The following DRG2 variants were observed in gnomAD, a reference collection of about 807,000 sequenced individuals.
DRG2 encodes the protein developmentally-regulated GTP-binding protein 2.
DRG2 carries 36 observed loss-of-function variants against 53.4 expected under a neutral mutation model. The observed-to-expected ratio is 0.67, with a 90% confidence interval of 0.52 to 0.89. DRG2 has a LOEUF of 0.89. DRG2 is among the 40% of genes least tolerant of loss of function. The probability of loss-of-function intolerance (pLI) is 0.00; values close to 1 mark genes in which losing one functional copy is unlikely to be tolerated. For missense variants in DRG2, 342 were observed against 481.2 expected, an observed-to-expected ratio of 0.71 and a Z score of 2.71; for synonymous variants, 167 against 192.1, an observed-to-expected ratio of 0.87 and a Z score of 1.08.
rs978882656 is a variant in DRG2 at position 18,098,474 on chromosome 17, C to T, written c.315+115C>T. On this transcript the variant is annotated intron_variant, in intron 3 of 12. Coordinates refer to ENST00000225729, the MANE Select transcript of DRG2 (RefSeq NM_001388.5). The surrounding 1 kb of genome is among the most constrained non-coding windows in gnomAD (Gnocchi z 4.1). ...GGATGTCCCCATGTCAGGACAGGCT[C>T]TGGACTGAGCTGCTTTGCCCTCCAG... 2 of 910,058 alleles carry T rather than the reference C, an allele frequency of 2.2e-6. No individual in the cohort carries two copies. Among genetic ancestry groups the T allele is most frequent in the African/African-American group, 3.3e-5 (2 of 61,048 alleles). The allele number at this position is 910,058 out of a possible 1,614,324, so 56.4% of individuals were successfully genotyped here. A position where few individuals can be genotyped will look rare whatever the true frequency, so the allele number is the denominator to read the frequency against.
Position 18,090,382 on chromosome 17 carries a change from A to ATTTTTTTTTTTTTT in DRG2, c.64+2296_64+2297insTTTTTTTTTTTTTT, listed in dbSNP as rs1567597918. Among the ~76,000 whole-genome samples the ATTTTTTTTTTTTTT allele has an allele frequency of 2.1e-4, 2 of 9,628 alleles. 1 individual carries two copies. 6.3% of individuals were successfully genotyped at this position (9,628 alleles called of 152,430 possible). A position where few individuals can be genotyped will look rare whatever the true frequency, so the allele number is the denominator to read the frequency against. On this transcript the variant is annotated intron_variant, in intron 1 of 12. Coordinates refer to ENST00000225729, the MANE Select transcript of DRG2 (RefSeq NM_001388.5). ...ACCGGGCTAATTTATATATATATATATATATATATATATATATATATATAT... is the reference window on the plus strand; with the variant it reads ...ACCGGGCTAATTTATATATATATATATTTTTTTTTTTTTTTATATATATATATATATATATATAT...
chr17:18,101,284 T>G (rs1432528563), intron 7 of DRG2, among the ~76,000 whole-genome samples: 2 of 152,244 alleles, frequency 1.3e-5, no homozygotes, highest in African/African-American at 4.8e-5. Context: ...ATTAAAACTC[T>G]GTGTTGATTG....
Position 18,099,057 on chromosome 17 carries a change from T to C in DRG2, c.356T>C (p.Ile119Thr). The C allele has an allele frequency of 6.2e-7, 1 of 1,614,076 alleles. No individual in the cohort carries two copies. The highest frequency in any genetic ancestry group is 8.5e-7 in the Non-Finnish European group (1 of 1,180,014). The change falls in exon 4 of 13, where the codon ATC (isoleucine) becomes ACC (threonine). Residue 119 changes from isoleucine to threonine, a missense_variant. By Grantham distance (89) the Ile-to-Thr change is moderately conservative. Coordinates refer to ENST00000225729, the MANE Select transcript of DRG2 (RefSeq NM_001388.5). The surrounding 1 kb of genome is among the most constrained non-coding windows in gnomAD (Gnocchi z 4.4). ...ANIQLLDLPG[I>T]IEGAAQGKGR... is the part of the protein sequence containing the mutation. Reference sequence around the variant, plus strand: ...ATCCAGCTCCTGGACCTTCCTGGAATCATTGAAGGCGCAGCCCAAGGTGGG... The same window carrying C: ...ATCCAGCTCCTGGACCTTCCTGGAACCATTGAAGGCGCAGCCCAAGGTGGG...
intron 1 of DRG2, among the ~76,000 whole-genome samples, chr17:18,089,556 A>G (rs370332222): frequency 1.3e-3 from 204 of 152,362 alleles, no homozygotes; most frequent in African/African-American, 4.7e-3. Flanking sequence ...ACTAGAAATC[A>G]AATAAATAAG....
At chr17:18,106,347 T>TA in intron 11 of DRG2, 86 bp from the exon 12 acceptor site, 1 of 1,491,922 alleles carries the variant, frequency 6.7e-7, no homozygotes, top group Non-Finnish European at 9.3e-7. Flanking sequence ...TCTTGGCCTG[T>TA]GTCCTGAGCT....
At chr17:18,107,060 ATT>A in intron 12 of DRG2, 92 bp from the exon 13 acceptor site, 1 of 1,177,450 alleles carries the variant, frequency 8.5e-7, no homozygotes, top group Non-Finnish European at 1.3e-6. Context: ...ATGCCATGGC[ATT>A]TACCCTTCAG....
intron 1 of DRG2, among the ~76,000 whole-genome samples, chr17:18,093,456 T>C (rs2045369425): frequency 6.6e-6 from 1 of 151,982 alleles, no homozygotes; most frequent in Admixed American, 6.6e-5. Context: ...ATAGTTGGGA[T>C]TACAGGCATG....
Position 18,100,363 on chromosome 17 carries a change from G to A in DRG2, c.468G>A (p.Arg156=), listed in dbSNP as rs759870426. The change falls in exon 6 of 13, where the codon AGG becomes AGA. Residue 156 remains arginine, a splice_region_variant and synonymous_variant. Transcript: ENST00000225729. The surrounding 1 kb of genome is among the most constrained non-coding windows in gnomAD (Gnocchi z 4.1). ...GGGGCTTAAGGGGTACTCTTCCTAG[G>A]TCTCTGCTGGAGAAGGAGCTGGAGT... ...MLDATKGEVQ[R]SLLEKELESV... 2 of 1,614,058 alleles carry A rather than the reference G, an allele frequency of 1.2e-6. No homozygotes were observed. Among genetic ancestry groups the A allele is most frequent in the South Asian group, 1.1e-5 (1 of 91,082 alleles).
rs550716665 is a variant in DRG2, at chr17:18,101,411, C to T, written c.632-82C>T. 4.4e-5 allele frequency: 59 copies of T among 1,333,676 alleles called. No homozygotes were observed. The African/African-American group carries it at 6.7e-4, about 15-fold the overall frequency. 82.6% of individuals were successfully genotyped at this position (1,333,676 alleles called of 1,614,324 possible). A position where few individuals can be genotyped will look rare whatever the true frequency, so the allele number is the denominator to read the frequency against. On this transcript the variant is annotated intron_variant, in intron 7 of 12. Coordinates refer to ENST00000225729, the MANE Select transcript of DRG2 (RefSeq NM_001388.5). The stretch of plus-strand genomic sequence containing the variant: ...ACGGTCCCACACGGCCAGCATATTT[C>T]CTGCTTGGCTTTTTGGGGCCCTCCG...
intron 2 of DRG2, among the ~76,000 whole-genome samples, chr17:18,094,711 A>C (rs1468829437): frequency 6.6e-6 from 1 of 152,088 alleles, no homozygotes; most frequent in East Asian, 1.9e-4. Flanking sequence ...GCGGTGGCTC[A>C]CACCTGTAAA....
intron 1 of DRG2, among the ~76,000 whole-genome samples, chr17:18,089,841 TG>T (rs2045281844): frequency 6.6e-6 from 1 of 151,798 alleles, no homozygotes; most frequent in African/African-American, 2.4e-5. Flanking sequence ...GGACTGGGGC[TG>T]GGGTGCAGTG....
intron 1 of DRG2, among the ~76,000 whole-genome samples, chr17:18,089,069 C>T (rs764348466): frequency 2.6e-4 from 39 of 152,158 alleles, no homozygotes; most frequent in Non-Finnish European, 5.0e-4. Flanking sequence ...AGTGTCTGCC[C>T]TCCCTTGGTT....
At chr17:18,106,370 C>T (rs2045630981) in intron 11 of DRG2, 63 bp from the exon 12 acceptor site, 2 of 1,596,306 alleles carry the variant, frequency 1.3e-6, no homozygotes, top group Non-Finnish European at 1.7e-6. Flanking sequence ...GGGTGTGCAG[C>T]CAAGCTTGGG....
intron 11 of DRG2, chr17:18,106,066 C>A: frequency 3.8e-6 from 1 of 262,498 alleles, no homozygotes; most frequent in Non-Finnish European, 7.6e-6. Context: ...AGATGGTGAC[C>A]AAGCAGGGGG....
intron 1 of DRG2, among the ~76,000 whole-genome samples, chr17:18,091,117 A>C (rs16960870): frequency 0.097 from 14,753 of 152,248 alleles, 1,000 homozygotes; most frequent in South Asian, 0.38. Context: ...GTAAAGAAAT[A>C]AGATCATTTT....
rs2142194642 is a variant in DRG2, at chr17:18,099,019, C to T, written c.318C>T (p.Tyr106=). The T allele has an allele frequency of 4.3e-6, 7 of 1,614,094 alleles. No individual in the cohort carries two copies. Among genetic ancestry groups the T allele is most frequent in the Non-Finnish European group, 5.9e-6 (7 of 1,179,998 alleles). Residue 106 remains tyrosine (Y), a splice_region_variant and synonymous_variant, in exon 4 of 13, where the codon TAC becomes TAT. Transcript: ENST00000225729. The surrounding 1 kb of genome is among the most constrained non-coding windows in gnomAD (Gnocchi z 4.4). ...CTTTCTTCTCTTCTGCATCCTAGTA[C>T]AAAGGTGCCAACATCCAGCTCCTGG... ...TLTCIPGVIE[Y]KGANIQLLDL...
intron 8 of DRG2, 152 bp from the exon 9 acceptor site, chr17:18,101,769 C>A: frequency 8.9e-7 from 1 of 1,123,274 alleles, no homozygotes; most frequent in Non-Finnish European, 1.3e-6. Flanking sequence ...AGGGTTCCAG[C>A]CCAGCCTTCC....
intron 12 of DRG2, among the ~76,000 whole-genome samples, chr17:18,106,741 A>G (rs1470530682): frequency 8.0e-6 from 1 of 125,730 alleles, no homozygotes; most frequent in East Asian, 2.4e-4. Flanking sequence ...CCCACGCTGG[A>G]GTGCAGTGGC....
intron 1 of DRG2, 109 bp downstream of exon 1, chr17:18,088,196 GAGA>G: frequency 7.3e-7 from 1 of 1,369,362 alleles, no homozygotes. Flanking sequence ...CGAGGCCGCG[GAGA>G]AGTTGCCAGA....
Sources: gnomAD v4.1 joint callset for allele counts (sites outside exome capture counted in the v4.1 genomes callset) on GRCh38, gnomAD v4.1.1 for gene constraint, Gnocchi (gnomAD v3.1) non-coding constraint, MANE v1.5 for transcripts, NCBI Gene and HGNC (gene_info 2026-07-23, HGNC 2026-07-21) for gene names.